The following CDH9 variants were observed in gnomAD, a reference collection of about 807,000 sequenced individuals.
CDH9 encodes the protein cadherin-9.
Under a neutral mutation model 70.9 loss-of-function variants are expected in CDH9, and 28 were observed. The ratio of observed to expected loss-of-function variants is 0.40; its 90% CI spans 0.29 to 0.54. The LOEUF (loss-of-function observed/expected upper bound fraction) is 0.54. Ranked by LOEUF, CDH9 falls within the 20% of genes least tolerant of loss-of-function variation. CDH9 has a pLI of 0.59. For missense variants in CDH9, 874 were observed against 984.4 expected (o/e 0.89, Z 1.50); for synonymous variants, 409 against 343.1 (o/e 1.19, Z -2.12).
chr5:26,949,744 G>T (rs1741812768), intron 2 of CDH9, among the ~76,000 whole-genome samples: 1 of 152,146 alleles, frequency 6.6e-6, no homozygotes, highest in African/African-American at 2.4e-5. Flanking sequence ...TGATGAAAAA[G>T]TCTTGCTTGT....
At chr5:26,923,014 A>G (rs1741271380) in intron 2 of CDH9, among the ~76,000 whole-genome samples, 1 of 150,772 alleles carries the variant, frequency 6.6e-6, no homozygotes, top group Admixed American at 6.6e-5. Context: ...AATAATAACA[A>G]TAGATGTAAA....
chr5:27,035,266 G>A (rs964973857), intron 1 of CDH9, among the ~76,000 whole-genome samples: 3 of 150,638 alleles, frequency 2.0e-5, no homozygotes, highest in African/African-American at 7.3e-5. Context: ...ATTAAAGATG[G>A]AGAGAGTTAA....
At chr5:27,022,387 A>T (rs879527502) in intron 1 of CDH9, among the ~76,000 whole-genome samples, 1 of 152,094 alleles carries the variant, frequency 6.6e-6, no homozygotes, top group Admixed American at 6.6e-5. Context: ...CAAAGGATTG[A>T]ACAGTTGTAT....
chr5:26,997,926 TTGACCTCA>T (rs1742695067), intron 1 of CDH9, among the ~76,000 whole-genome samples: 1 of 152,114 alleles, frequency 6.6e-6, no homozygotes, highest in African/African-American at 2.4e-5. Flanking sequence ...TCTCGATCTC[TTGACCTCA>T]TGATCTGCCC....
intron 2 of CDH9, among the ~76,000 whole-genome samples, chr5:26,922,209 A>G (rs1276184304): frequency 6.6e-6 from 1 of 152,050 alleles, no homozygotes; most frequent in Non-Finnish European, 1.5e-5. Context: ...TTAGAAAAAA[A>G]TATTAATATT....
chr5:26,937,132 C>T (rs1398004496), intron 2 of CDH9, among the ~76,000 whole-genome samples: 1 of 152,004 alleles, frequency 6.6e-6, no homozygotes, highest in East Asian at 1.9e-4. Flanking sequence ...TAGCCAAACA[C>T]ACATGTGGCA....
chr5:26,954,951 C>T (rs1741919221), intron 2 of CDH9, among the ~76,000 whole-genome samples: 2 of 152,230 alleles, frequency 1.3e-5, no homozygotes, highest in South Asian at 4.1e-4. Context: ...GGGAGGACTG[C>T]TTCAGCCTGG....
At chr5:26,950,488 C>G (rs1741826547) in intron 2 of CDH9, among the ~76,000 whole-genome samples, 1 of 152,140 alleles carries the variant, frequency 6.6e-6, no homozygotes, top group African/African-American at 2.4e-5. Context: ...TAAAATGCCT[C>G]TAGAAACTTT....
intron 2 of CDH9, among the ~76,000 whole-genome samples, chr5:26,957,347 A>C (rs1741964045): frequency 6.6e-6 from 1 of 152,238 alleles, no homozygotes; most frequent in South Asian, 2.1e-4. Context: ...ATAGGCTGTA[A>C]ATAATAAAAT....
At chr5:26,891,358 C>T (rs187505321) in intron 7 of CDH9, among the ~76,000 whole-genome samples, 21 of 152,234 alleles carry the variant, frequency 1.4e-4, no homozygotes, top group Middle Eastern at 3.4e-3. Context: ...CAAGGTGTGT[C>T]TAGTTTAATC....
intron 9 of CDH9, among the ~76,000 whole-genome samples, chr5:26,888,172 T>C (rs1481011687): frequency 6.6e-6 from 1 of 152,182 alleles, no homozygotes; most frequent in Non-Finnish European, 1.5e-5. Flanking sequence ...TTGGCAGACA[T>C]TTAAAATCTA....
chr5:26,906,266 C>T (rs1740946999), intron 4 of CDH9, 140 bp from the exon 5 acceptor site: 3 of 666,038 alleles, frequency 4.5e-6, no homozygotes, highest in Non-Finnish European at 2.5e-6. Context: ...AATCCATAAC[C>T]ACTTTAAGAT....
rs765808716 is a variant in CDH9 at position 26,885,633 on chromosome 5, G to C, written c.1863C>G (p.Leu621=). ...GCTTACTAAGCAGTATGAGGACACA[G>C]AGTAGAATCGCAACGAGAGCTCCCG... ...LSTGALVAIL[L]CVLILLILVV... is the part of the protein sequence containing the mutation. Residue 621 remains leucine (L), a synonymous_variant, in exon 11 of 12, where the codon CTC becomes CTG. Coordinates refer to ENST00000231021, the MANE Select transcript of CDH9 (RefSeq NM_016279.4). 1.2e-6 allele frequency: 2 copies of C among 1,613,174 alleles called. No homozygotes were observed. The highest frequency in any genetic ancestry group is 1.7e-6 in the Non-Finnish European group (2 of 1,179,770).
At chr5:26,929,396 G>T (rs1741400516) in intron 2 of CDH9, among the ~76,000 whole-genome samples, 2 of 152,038 alleles carry the variant, frequency 1.3e-5, no homozygotes, top group South Asian at 4.1e-4. Flanking sequence ...TGGCAGGAAT[G>T]TAAATTAGTA....
At chr5:26,910,180 G>A (rs776068744) in intron 3 of CDH9, among the ~76,000 whole-genome samples, 8 of 151,700 alleles carry the variant, frequency 5.3e-5, no homozygotes, top group East Asian at 1.9e-4. Flanking sequence ...ATTTAAAATC[G>A]CAAATGTAAA....
intron 7 of CDH9, among the ~76,000 whole-genome samples, chr5:26,891,011 A>G (rs1337128130): frequency 6.6e-6 from 1 of 152,238 alleles, no homozygotes; most frequent in East Asian, 1.9e-4. Context: ...ATTATAAAAT[A>G]CATCGCTCTT....
intron 2 of CDH9, among the ~76,000 whole-genome samples, chr5:26,979,372 T>C (rs1302073103): frequency 1.3e-5 from 2 of 151,308 alleles, no homozygotes; most frequent in Non-Finnish European, 3.0e-5. Context: ...CAAAGAAGTA[T>C]AGCCAAGAAT....
intron 1 of CDH9, among the ~76,000 whole-genome samples, chr5:27,037,569 C>A (rs1743416664): frequency 6.6e-6 from 1 of 151,904 alleles, no homozygotes; most frequent in Non-Finnish European, 1.5e-5. Context: ...TAGCTAAAAT[C>A]CAAGCCTTTA....
chr5:26,926,431 G>T (rs1378356735), intron 2 of CDH9, among the ~76,000 whole-genome samples: 1 of 152,060 alleles, frequency 6.6e-6, no homozygotes, highest in South Asian at 2.1e-4. Context: ...ACTGCTCAAC[G>T]AAATAAAAGA....
Sources: allele counts gnomAD v4.1 joint callset (sites outside exome capture counted in the v4.1 genomes callset), GRCh38; gene constraint gnomAD v4.1.1; transcripts MANE v1.5; gene names NCBI Gene and HGNC (gene_info 2026-07-23, HGNC 2026-07-21).